RGS3: variants seen among roughly 807,000 people sequenced by gnomAD.
RGS3 encodes regulator of G protein signaling 3, also known as regulator of G-protein signalling 3.
Under a neutral mutation model 132.6 loss-of-function variants are expected in RGS3, and 80 were observed. The observed-to-expected ratio is 0.60, with a 90% CI of 0.50 to 0.73. The LOEUF (loss-of-function observed/expected upper bound fraction) is 0.73, where lower values mean the gene tolerates loss of function less well. Ranked by LOEUF, RGS3 falls within the 30% of genes least tolerant of loss-of-function variation. RGS3 has a pLI of 0.00. For missense variants in RGS3, 1,382 were observed against 1,530.8 expected, an observed-to-expected ratio of 0.90 and a Z score of 1.62; for synonymous variants, 598 against 620.6, an observed-to-expected ratio of 0.96 and a Z score of 0.54.
chr9:113,525,369 A>T (rs1005096312), intron 17 of RGS3, among the ~76,000 whole-genome samples: 3 of 151,938 alleles, frequency 2.0e-5, no homozygotes, highest in African/African-American at 7.3e-5. Context: ...AAGTTTAGTG[A>T]CCCCTTCTCC....
intron 19 of RGS3, among the ~76,000 whole-genome samples, chr9:113,562,682 G>C (rs1250334952): frequency 6.6e-6 from 1 of 152,106 alleles, no homozygotes; most frequent in Non-Finnish European, 1.5e-5. Flanking sequence ...GGGCCACCTA[G>C]ATCTTACCAC....
intron 1 of RGS3, among the ~76,000 whole-genome samples, chr9:113,445,188 C>CTTTTTT (rs763073048): frequency 3.5e-5 from 5 of 142,974 alleles, no homozygotes; most frequent in Non-Finnish European, 6.2e-5. Flanking sequence ...TTTTCTTTTT[C>CTTTTTT]TTTTTTTTTT....
At chr9:113,594,094 T>TC (rs1564624887) in intron 21 of RGS3, 2 of 1,613,038 alleles carry the variant, frequency 1.2e-6, no homozygotes, top group South Asian at 2.2e-5. Context: ...GCTCCTCCTG[T>TC]CTGAGTCCCA....
intron 18 of RGS3, among the ~76,000 whole-genome samples, chr9:113,531,488 T>C (rs1832462436): frequency 6.6e-6 from 1 of 152,198 alleles, no homozygotes; most frequent in Non-Finnish European, 1.5e-5. Context: ...TCCAAAGCAC[T>C]TAGCACAGAG....
chr9:113,570,999 T>C (rs548594596), intron 19 of RGS3, among the ~76,000 whole-genome samples: 32 of 152,346 alleles, frequency 2.1e-4, no homozygotes, highest in African/African-American at 7.5e-4. Flanking sequence ...AATGGAATCA[T>C]TGGGTACATA....
intron 10 of RGS3, chr9:113,505,094 T>A (rs576066826): frequency 1.8e-4 from 47 of 263,776 alleles, no homozygotes; most frequent in Non-Finnish European, 3.0e-4. Flanking sequence ...GGATCAAAGG[T>A]GAGGCTGAGT....
intron 1 of RGS3, among the ~76,000 whole-genome samples, chr9:113,454,636 A>G (rs1829326421): frequency 6.6e-6 from 1 of 151,862 alleles, no homozygotes. Flanking sequence ...AACAAAACAA[A>G]AACCAAAATC....
At chr9:113,471,132 G>A (rs956329174) in intron 3 of RGS3, among the ~76,000 whole-genome samples, 5 of 152,160 alleles carry the variant, frequency 3.3e-5, no homozygotes, top group Admixed American at 3.3e-4. Context: ...GGGACTGAGA[G>A]TACTTGAAAT....
rs1192299320 is a variant in RGS3 at position 113,463,595 on chromosome 9, C to T, written c.415+1394C>T. 4 of 1,032,444 alleles carry T rather than the reference C, an allele frequency of 3.9e-6. No individual in the cohort carries two copies. Among genetic ancestry groups the T allele is most frequent in the Non-Finnish European group, 5.1e-6 (4 of 782,328 alleles). The allele number at this position is 1,032,444 out of a possible 1,614,324, so 64.0% of individuals were successfully genotyped here. On this transcript the variant is annotated intron_variant, in intron 3 of 24. Coordinates refer to ENST00000350696, the Ensembl canonical transcript of RGS3. This position sits in a 1 kb window ranked among gnomAD's most constrained non-coding sequence, Gnocchi z 4.6. ...GGGTCGGCGGCGCCGCCTCCCCCACCCCGGCCCAGCTCTGCTCCGGCAGGT... is the reference window on the plus strand; with the variant it reads ...GGGTCGGCGGCGCCGCCTCCCCCACTCCGGCCCAGCTCTGCTCCGGCAGGT...
chr9:113,457,642 C>T (rs772595655), upstream of RGS3, among the ~76,000 whole-genome samples: 3 of 152,220 alleles, frequency 2.0e-5, no homozygotes, highest in Non-Finnish European at 4.4e-5. Flanking sequence ...GGTTCTCTTG[C>T]TGGGAGCTGG....
chr9:113,582,134 A>G (rs1247327033), intron 19 of RGS3: 1 of 985,472 alleles, frequency 1.0e-6, no homozygotes, highest in Non-Finnish European at 1.2e-6. Context: ...CCATGGCTGA[A>G]CACTGACTCC....
intron 19 of RGS3, among the ~76,000 whole-genome samples, chr9:113,564,207 C>G (rs1245066534): frequency 6.6e-6 from 1 of 151,936 alleles, no homozygotes; most frequent in Non-Finnish European, 1.5e-5. Flanking sequence ...TCAGTCCTGG[C>G]TATACAGACA....
At chr9:113,446,999 C>T (rs887537809) in intron 1 of RGS3, among the ~76,000 whole-genome samples, 9 of 151,704 alleles carry the variant, frequency 5.9e-5, no homozygotes, top group African/African-American at 1.2e-4. Context: ...CGGTGGCTCA[C>T]GCCTGTAATC....
chr9:113,530,780 G>A (rs904871865), intron 18 of RGS3, among the ~76,000 whole-genome samples: 7 of 152,166 alleles, frequency 4.6e-5, no homozygotes, highest in African/African-American at 1.7e-4. Context: ...TGATCTCCAG[G>A]GGCTGTGGGA....
At chr9:113,459,488 G>A (rs918496997), upstream of RGS3, among the ~76,000 whole-genome samples, 3 of 152,100 alleles carry the variant, frequency 2.0e-5, no homozygotes, top group Non-Finnish European at 2.9e-5. Flanking sequence ...GGTGGTTCAC[G>A]CCTATAATCC....
Position 113,485,673 on chromosome 9 carries a change from G to A in RGS3, c.669G>A (p.Trp223Ter). The change falls in exon 7 of 25, where the codon TGG (tryptophan) becomes TGA (stop). Residue 223 changes from tryptophan to a stop codon, truncating the protein, a stop_gained. Coordinates refer to ENST00000350696, the Ensembl canonical transcript of RGS3. LOFTEE classifies it high-confidence loss of function. ...AGAAGCGTCTCTTGGTTACTGTGTG[G>A]AACAGGGCCAGCCAGTCCAGGTGAG... The A allele has an allele frequency of 6.3e-7, 1 of 1,593,656 alleles. No individual in the cohort carries two copies. Among genetic ancestry groups the A allele is most frequent in the South Asian group, 1.1e-5 (1 of 87,252 alleles).
chr9:113,456,847 C>G (rs1296649068), upstream of RGS3, among the ~76,000 whole-genome samples: 1 of 152,120 alleles, frequency 6.6e-6, no homozygotes, highest in Admixed American at 6.5e-5. Flanking sequence ...GTCTTCCAGA[C>G]TGGAGTACAA....
intron 5 of RGS3, among the ~76,000 whole-genome samples, chr9:113,483,372 T>C (rs1830225806): frequency 6.6e-6 from 1 of 152,066 alleles, no homozygotes; most frequent in African/African-American, 2.4e-5. Context: ...AGGTGGGCAG[T>C]GAGTATGTGG....
intron 7 of RGS3, among the ~76,000 whole-genome samples, chr9:113,493,024 C>T (rs1176701129): frequency 1.3e-5 from 2 of 152,214 alleles, no homozygotes; most frequent in East Asian, 1.9e-4. Flanking sequence ...CAGCCCTACC[C>T]AGTAGGAAAG....
Sources: gnomAD v4.1 joint callset for allele counts (sites outside exome capture counted in the v4.1 genomes callset) on GRCh38, gnomAD v4.1.1 for gene constraint, Gnocchi (gnomAD v3.1) non-coding constraint, MANE v1.5 for transcripts, NCBI Gene and HGNC (gene_info 2026-07-23, HGNC 2026-07-21) for gene names.